Variants in WIF1 observed in about 807,000 individuals in gnomAD.
The protein encoded by WIF1 is Wnt inhibitory factor 1.
Under a neutral mutation model 53.5 loss-of-function variants are expected in WIF1, and 35 were observed. The observed-to-expected ratio is 0.65, with a 90% confidence interval of 0.50 to 0.87. The LOEUF is 0.87. Among genes scored for constraint, WIF1 ranks in the 40% least tolerant of loss-of-function variants. The probability of loss-of-function intolerance (pLI) is 0.00; values close to 1 mark genes in which losing one functional copy is unlikely to be tolerated. For missense variants in WIF1, 467 were observed against 476.8 expected (o/e 0.98, Z 0.19); for synonymous variants, 171 against 170.4 (o/e 1.00, Z -0.03).
At chr12:65,094,538 G>A (rs6581609) in intron 2 of WIF1, among the ~76,000 whole-genome samples, 82,333 of 151,766 alleles carry the variant, frequency 0.54, 24,927 homozygotes, top group East Asian at 0.86. Context: ...GATTGCCTTC[G>A]CTTTGGGAGG....
intron 1 of WIF1, 70 bp downstream of exon 1, chr12:65,120,974 A>G: frequency 7.3e-7 from 1 of 1,361,986 alleles, no homozygotes; most frequent in Non-Finnish European, 9.5e-7. Context: ...AAACGCAGGT[A>G]TCCCTCTTTC....
chr12:65,056,078 C>G lies in WIF1; in HGVS notation c.875G>C (p.Ser292Thr). 1 of 1,614,100 alleles carries G rather than the reference C, an allele frequency of 6.2e-7. No individual in the cohort carries two copies. Among genetic ancestry groups the G allele is most frequent in the Non-Finnish European group, 8.5e-7 (1 of 1,179,998 alleles). The change falls in exon 8 of 10, where the codon AGC becomes ACC. Residue 292 changes from serine to threonine, a missense_variant. Transcript: ENST00000286574. ...CRNGGKCIGK[S>T]KCKCSKGYQG... ...GTAACCTTTGGAACACTTACATTTGCTTTTACCAATGCATTTACCTCCATT... is the reference window on the plus strand; with the variant it reads ...GTAACCTTTGGAACACTTACATTTGGTTTTACCAATGCATTTACCTCCATT...
At chr12:65,109,346 G>A (rs1275061021) in intron 2 of WIF1, among the ~76,000 whole-genome samples, 1 of 152,132 alleles carries the variant, frequency 6.6e-6, no homozygotes, top group African/African-American at 2.4e-5. Flanking sequence ...CTTTCTTAGG[G>A]CATTATGGCC....
chr12:65,111,275 C>G (rs1408460266), intron 2 of WIF1, among the ~76,000 whole-genome samples: 2 of 152,180 alleles, frequency 1.3e-5, no homozygotes, highest in Admixed American at 1.3e-4. Context: ...ACCCTCCACC[C>G]TGTGATGAGA....
intron 2 of WIF1, among the ~76,000 whole-genome samples, chr12:65,085,527 G>A (rs1883024384): frequency 6.6e-6 from 1 of 152,166 alleles, no homozygotes; most frequent in Non-Finnish European, 1.5e-5. Flanking sequence ...TTCCCTGCCT[G>A]CTTTTGAAAC....
chr12:65,083,814 T>TTCCTTTCCTTTCCTTTCCTG (rs1565754669), intron 2 of WIF1: 1 of 318,908 alleles, frequency 3.1e-6, no homozygotes. Flanking sequence ...TTCCTTTCCT[T>TTCCTTTCCTTTCCTTTCCTG]TCCTCTCCTC....
At chr12:65,088,064 A>G (rs972804965) in intron 2 of WIF1, among the ~76,000 whole-genome samples, 2 of 152,212 alleles carry the variant, frequency 1.3e-5, no homozygotes, top group Non-Finnish European at 2.9e-5. Flanking sequence ...GTTTAAGAAA[A>G]AGAGAAACTA....
intron 7 of WIF1, 45 bp from the exon 8 acceptor site, chr12:65,056,171 A>T (rs936522071): frequency 6.4e-7 from 1 of 1,556,812 alleles, no homozygotes. Flanking sequence ...CTGGTGCTTC[A>T]TTCAGAGGTA....
intron 3 of WIF1, among the ~76,000 whole-genome samples, chr12:65,069,758 C>T (rs951989972): frequency 6.6e-6 from 1 of 152,096 alleles, no homozygotes; most frequent in Non-Finnish European, 1.5e-5. Flanking sequence ...GGAGGACACC[C>T]GTTGTGGGAT....
chr12:65,102,467 C>T (rs556122189), intron 2 of WIF1, among the ~76,000 whole-genome samples: 2 of 152,296 alleles, frequency 1.3e-5, no homozygotes, highest in East Asian at 3.9e-4. Flanking sequence ...AGGCCTTCAA[C>T]TGATTGTTGG....
intron 2 of WIF1, among the ~76,000 whole-genome samples, chr12:65,111,449 A>C (rs947621359): frequency 6.6e-6 from 1 of 152,128 alleles, no homozygotes; most frequent in Non-Finnish European, 1.5e-5. Context: ...CTTGTACTAC[A>C]CACTCCAACC....
rs1565750846 is a variant in WIF1 at position 65,068,648 on chromosome 12, C to CGTGT, written c.538+115_538+116insACAC. 2.7e-5 allele frequency: 30 copies of CGTGT among 1,103,252 alleles called. No individual in the cohort carries two copies. The East Asian group carries it at 6.8e-4, about 25-fold the overall frequency. 68.3% of individuals were successfully genotyped at this position (1,103,252 alleles called of 1,614,324 possible). ...GTTATAGAGCCATCATCCAAAAAAC[C>CGTGT]ATGTGTGTGTGTGTGTGTGTGTGTG... On this transcript the variant is annotated intron_variant, in intron 4 of 9. Coordinates refer to ENST00000286574, the MANE Select transcript of WIF1 (RefSeq NM_007191.5).
At chr12:65,079,026 A>G (rs963228486) in intron 2 of WIF1, among the ~76,000 whole-genome samples, 2 of 152,078 alleles carry the variant, frequency 1.3e-5, no homozygotes, top group African/African-American at 4.8e-5. Flanking sequence ...TTAGCTGGGC[A>G]TGGTCGTGGG....
intron 2 of WIF1, among the ~76,000 whole-genome samples, chr12:65,098,396 A>T (rs1313481996): frequency 6.6e-6 from 1 of 152,076 alleles, no homozygotes; most frequent in Non-Finnish European, 1.5e-5. Flanking sequence ...AGCCGGAAAA[A>T]TTCTAAGAGA....
intron 7 of WIF1, 95 bp from the exon 8 acceptor site, chr12:65,056,221 A>G: frequency 8.6e-7 from 1 of 1,167,552 alleles, no homozygotes; most frequent in Non-Finnish European, 1.2e-6. Context: ...TTGAGAGGAT[A>G]AGTGCTTTTA....
intron 6 of WIF1, among the ~76,000 whole-genome samples, chr12:65,064,460 G>A (rs992941189): frequency 6.6e-6 from 1 of 152,104 alleles, no homozygotes; most frequent in Non-Finnish European, 1.5e-5. Flanking sequence ...GCCAATGAAA[G>A]TTATTCTTTA....
At chr12:65,066,602 A>C in intron 6 of WIF1, 39 bp downstream of exon 6, 2 of 1,540,072 alleles carry the variant, frequency 1.3e-6, no homozygotes, top group Non-Finnish European at 1.8e-6. Context: ...AAACATTTTA[A>C]AAGTAAAAAT....
At chr12:65,082,374 G>A (rs967465774) in intron 2 of WIF1, among the ~76,000 whole-genome samples, 2 of 152,066 alleles carry the variant, frequency 1.3e-5, no homozygotes, top group African/African-American at 2.4e-5. Context: ...CCTCTATTAG[G>A]AAAAAGTACA....
At position 65,091,128 on chromosome 12, in the gene WIF1, A is replaced by G. The variant is rs1449807757; in HGVS notation, c.289-13274T>C. Among the ~76,000 whole-genome samples, 3 of 152,120 alleles carry G rather than the reference A, an allele frequency of 2.0e-5. No individual in the cohort carries two copies. In the East Asian group the frequency reaches 5.8e-4, roughly 29 times the overall value. Reference sequence around the variant, plus strand: ...ATGTCTTATCAAACTATTAATTTGCAGGAAATTTAAAGGATAGCGGAATAA... The same window carrying G: ...ATGTCTTATCAAACTATTAATTTGCGGGAAATTTAAAGGATAGCGGAATAA... On this transcript the variant is annotated intron_variant, in intron 2 of 9. Transcript: ENST00000286574.
Sources: gnomAD v4.1 joint callset for allele counts (sites outside exome capture counted in the v4.1 genomes callset) on GRCh38, gnomAD v4.1.1 for gene constraint, MANE v1.5 for transcripts, NCBI Gene and HGNC (gene_info 2026-07-23, HGNC 2026-07-21) for gene names.